CCDC91: variants seen among roughly 807,000 people sequenced by gnomAD.
CCDC91 encodes the protein coiled-coil domain-containing protein 91.
A neutral mutation model predicts 63.2 loss-of-function variants in CCDC91; 48 were observed. The ratio of observed to expected loss-of-function variants is 0.76; its 90% confidence interval spans 0.60 to 0.97. The LOEUF is 0.97. Ranked by LOEUF, CCDC91 falls within the 50% of genes least tolerant of loss-of-function variation. The pLI is 0.00. For synonymous variants in CCDC91, 167 were observed against 165.8 expected (o/e 1.01, Z -0.06); for missense variants, 500 against 494.6 (o/e 1.01, Z -0.10).
intron 8 of CCDC91, among the ~76,000 whole-genome samples, chr12:28,418,278 C>T (rs934730293): frequency 1.3e-5 from 2 of 151,852 alleles, no homozygotes; most frequent in Non-Finnish European, 2.9e-5. Flanking sequence ...GAAAAATTTA[C>T]CAAAAACGTA....
At chr12:28,265,929 T>C (rs1947155922) in intron 3 of CCDC91, among the ~76,000 whole-genome samples, 2 of 152,086 alleles carry the variant, frequency 1.3e-5, no homozygotes, top group South Asian at 4.1e-4. Context: ...ATAAACCAGA[T>C]TTCTGTTGAA....
At chr12:28,398,029 C>T (rs1352730189) in intron 8 of CCDC91, among the ~76,000 whole-genome samples, 4 of 152,030 alleles carry the variant, frequency 2.6e-5, no homozygotes, top group African/African-American at 9.7e-5. Flanking sequence ...ATTCTGTATT[C>T]CCCAAATCTA....
chr12:28,322,762 TA>T (rs1456138601), intron 6 of CCDC91, among the ~76,000 whole-genome samples: 7 of 151,754 alleles, frequency 4.6e-5, no homozygotes, highest in African/African-American at 1.7e-4. Context: ...AGACAGATAG[TA>T]TTAACTTGTC....
At chr12:28,303,974 C>T (rs1408263676) in intron 3 of CCDC91, among the ~76,000 whole-genome samples, 1 of 151,990 alleles carries the variant, frequency 6.6e-6, no homozygotes, top group Non-Finnish European at 1.5e-5. Context: ...AGAACTCTCA[C>T]TATTCTACTT....
intron 8 of CCDC91, among the ~76,000 whole-genome samples, chr12:28,413,542 G>A (rs1947454451): frequency 6.6e-6 from 1 of 152,072 alleles, no homozygotes; most frequent in East Asian, 1.9e-4. Flanking sequence ...TTGATGTGCT[G>A]TAATTTTACT....
intron 8 of CCDC91, among the ~76,000 whole-genome samples, chr12:28,406,596 T>C (rs1405510645): frequency 6.6e-6 from 1 of 152,148 alleles, no homozygotes; most frequent in Non-Finnish European, 1.5e-5. Context: ...TCCTGATATG[T>C]TTCTAAGAGC....
At chr12:28,544,826 T>C (rs1309273726) in intron 12 of CCDC91, among the ~76,000 whole-genome samples, 1 of 152,092 alleles carries the variant, frequency 6.6e-6, no homozygotes, top group Non-Finnish European at 1.5e-5. Context: ...AGAGATGTTT[T>C]ATTTTTCTTT....
intron 11 of CCDC91, among the ~76,000 whole-genome samples, chr12:28,454,066 A>G (rs766003898): frequency 3.9e-5 from 6 of 152,186 alleles, no homozygotes; most frequent in Non-Finnish European, 8.8e-5. Flanking sequence ...AAGACAATCT[A>G]AACATGTCTT....
intron 1 of CCDC91, among the ~76,000 whole-genome samples, chr12:28,208,554 C>T (rs1191305384): frequency 6.6e-6 from 1 of 151,984 alleles, no homozygotes; most frequent in African/African-American, 2.4e-5. Flanking sequence ...CAGAAAAGAC[C>T]ATTTTAAAGG....
At chr12:28,291,481 A>T (rs559270175) in intron 3 of CCDC91, among the ~76,000 whole-genome samples, 2 of 152,222 alleles carry the variant, frequency 1.3e-5, no homozygotes, top group African/African-American at 2.4e-5. Flanking sequence ...TACTTCTCAG[A>T]TGTAGTGGTT....
chr12:28,515,143 C>T (rs1360895537), intron 12 of CCDC91, among the ~76,000 whole-genome samples: 1 of 151,600 alleles, frequency 6.6e-6, no homozygotes, highest in Non-Finnish European at 1.5e-5. Flanking sequence ...TTTTTTTCCC[C>T]CAACTGTACC....
chr12:28,345,813 C>G lies in CCDC91; in HGVS notation c.577-16625C>G, dbSNP rs984647245. On this transcript the variant is annotated intron_variant, in intron 6 of 12. Coordinates refer to ENST00000536442, the MANE Select transcript of CCDC91 (RefSeq NM_018318.5). ...ATGTATTTTTACCTCTGACCCAAAC[C>G]TAGGAGTTCCTTTATTCCTCCAATA... 3.9e-5 allele frequency among the ~76,000 whole-genome samples: 6 copies of G among 152,000 alleles called. 1 individual carries two copies. Among genetic ancestry groups the G allele is most frequent in the Non-Finnish European group, 8.8e-5 (6 of 67,968 alleles).
chr12:28,459,159 C>T (rs551624521), intron 11 of CCDC91, among the ~76,000 whole-genome samples: 3 of 152,160 alleles, frequency 2.0e-5, no homozygotes, highest in African/African-American at 7.2e-5. Flanking sequence ...CCATTGCTTC[C>T]TGACTGGCAA....
chr12:28,524,071 A>G (rs184321428), intron 12 of CCDC91, among the ~76,000 whole-genome samples: 54 of 152,192 alleles, frequency 3.5e-4, no homozygotes, highest in African/African-American at 1.3e-3. Flanking sequence ...GGTTACCCAC[A>G]AAGGGAAGCC....
chr12:28,465,504 T>C (rs899645154), intron 11 of CCDC91, among the ~76,000 whole-genome samples: 1 of 152,178 alleles, frequency 6.6e-6, no homozygotes, highest in African/African-American at 2.4e-5. Flanking sequence ...TGGGAGAAAC[T>C]AAGGAATGAG....
chr12:28,487,176 G>A (rs1372062628), intron 12 of CCDC91, among the ~76,000 whole-genome samples: 1 of 151,696 alleles, frequency 6.6e-6, no homozygotes, highest in African/African-American at 2.4e-5. Context: ...TACACTTGTA[G>A]GAAATTTATT....
chr12:28,323,473 C>G (rs1245560916), intron 6 of CCDC91, among the ~76,000 whole-genome samples: 1 of 151,634 alleles, frequency 6.6e-6, no homozygotes, highest in Non-Finnish European at 1.5e-5. Flanking sequence ...ATTTGATTTC[C>G]ATTTCTGTTG....
At chr12:28,217,183 G>A (rs959995439) in intron 1 of CCDC91, among the ~76,000 whole-genome samples, 1 of 152,112 alleles carries the variant, frequency 6.6e-6, no homozygotes, top group Non-Finnish European at 1.5e-5. Context: ...TTGTGGTACT[G>A]ACAACAGAGG....
chr12:28,528,851 A>C (rs1412409640), intron 12 of CCDC91, among the ~76,000 whole-genome samples: 2 of 152,140 alleles, frequency 1.3e-5, no homozygotes, highest in Non-Finnish European at 2.9e-5. Flanking sequence ...AACAACTTAA[A>C]TGTCTATCAA....
Sources: allele counts gnomAD v4.1 joint callset (sites outside exome capture counted in the v4.1 genomes callset), GRCh38; gene constraint gnomAD v4.1.1; transcripts MANE v1.5; gene names NCBI Gene and HGNC (gene_info 2026-07-23, HGNC 2026-07-21).